CPA6: variants seen among roughly 807,000 people sequenced by gnomAD.
CPA6 encodes carboxypeptidase B.
Under a neutral mutation model 63.3 loss-of-function variants are expected in CPA6, and 58 were observed. The ratio of observed to expected loss-of-function variants is 0.92; its 90% CI spans 0.74 to 1.14. The LOEUF (loss-of-function observed/expected upper bound fraction) is 1.14. Ranked by LOEUF, CPA6 falls within the 50% of genes most tolerant of loss-of-function variation. CPA6 has a pLI of 0.00. For missense variants in CPA6, 565 were observed against 526.6 expected, an observed-to-expected ratio of 1.07 and a Z score of -0.71; for synonymous variants, 185 against 179.0, an observed-to-expected ratio of 1.03 and a Z score of -0.27.
At chr8:67,524,483 C>T (rs1812321433) in intron 2 of CPA6, among the ~76,000 whole-genome samples, 1 of 152,166 alleles carries the variant, frequency 6.6e-6, no homozygotes, top group Non-Finnish European at 1.5e-5. Context: ...CTAGGCATTC[C>T]TTGGCATGTG....
At chr8:67,616,159 C>A (rs908753088) in intron 2 of CPA6, among the ~76,000 whole-genome samples, 6 of 152,214 alleles carry the variant, frequency 3.9e-5, no homozygotes, top group Non-Finnish European at 8.8e-5. Flanking sequence ...ACCTGAGCAA[C>A]TGAGTCAGAA....
intron 1 of CPA6, among the ~76,000 whole-genome samples, chr8:67,718,318 T>C (rs1415441554): frequency 6.6e-6 from 1 of 152,058 alleles, no homozygotes; most frequent in Non-Finnish European, 1.5e-5. Context: ...CCAATTTGGG[T>C]TAAGAAAATT....
chr8:67,474,642 G>A (rs1399694540), intron 8 of CPA6, among the ~76,000 whole-genome samples: 1 of 152,112 alleles, frequency 6.6e-6, no homozygotes, highest in East Asian at 1.9e-4. Flanking sequence ...AAACTGAAAG[G>A]AGAACACCTA....
intron 1 of CPA6, among the ~76,000 whole-genome samples, chr8:67,729,643 G>C (rs916026554): frequency 6.6e-6 from 1 of 152,210 alleles, no homozygotes; most frequent in Non-Finnish European, 1.5e-5. Context: ...TGATGTTCTG[G>C]AAAACTGTTT....
intron 6 of CPA6, among the ~76,000 whole-genome samples, chr8:67,491,801 C>G (rs1251286493): frequency 6.6e-6 from 1 of 152,144 alleles, no homozygotes; most frequent in South Asian, 2.1e-4. Flanking sequence ...AACACCAGTC[C>G]TCCCACAGAA....
At chr8:67,731,968 C>T (rs767054384) in intron 1 of CPA6, among the ~76,000 whole-genome samples, 4 of 152,102 alleles carry the variant, frequency 2.6e-5, no homozygotes, top group African/African-American at 4.8e-5. Flanking sequence ...AGGCAAGGGT[C>T]GCTTCTCTAA....
intron 1 of CPA6, among the ~76,000 whole-genome samples, chr8:67,686,468 G>T (rs575547252): frequency 1.5e-4 from 23 of 152,222 alleles, no homozygotes; most frequent in African/African-American, 4.6e-4. Context: ...TAGCCAAAAA[G>T]GAAGTAAGAA....
At chr8:67,637,772 A>C (rs1815503063) in intron 1 of CPA6, among the ~76,000 whole-genome samples, 4 of 151,528 alleles carry the variant, frequency 2.6e-5, no homozygotes, top group Admixed American at 2.6e-4. Flanking sequence ...CAGTGATCAG[A>C]GAAAAACACA....
chr8:67,702,132 T>C (rs917781536), intron 1 of CPA6, among the ~76,000 whole-genome samples: 1 of 152,174 alleles, frequency 6.6e-6, no homozygotes, highest in Non-Finnish European at 1.5e-5. Flanking sequence ...AGCTTCCCAA[T>C]AAGATCTTAG....
intron 1 of CPA6, among the ~76,000 whole-genome samples, chr8:67,656,368 C>T (rs1357271184): frequency 1.3e-5 from 2 of 152,174 alleles, no homozygotes; most frequent in East Asian, 1.9e-4. Context: ...CCATTCTACT[C>T]TCTTCAACTA....
At chr8:67,516,254 A>G (rs1036300619) in intron 3 of CPA6, among the ~76,000 whole-genome samples, 1 of 152,192 alleles carries the variant, frequency 6.6e-6, no homozygotes, top group Non-Finnish European at 1.5e-5. Flanking sequence ...AAATTTAGCC[A>G]TTGGCTGTAA....
At chr8:67,532,744 A>G (rs1812504732) in intron 2 of CPA6, among the ~76,000 whole-genome samples, 1 of 152,104 alleles carries the variant, frequency 6.6e-6, no homozygotes, top group African/African-American at 2.4e-5. Flanking sequence ...CCAAAATATA[A>G]CCTACAAAGT....
intron 8 of CPA6, among the ~76,000 whole-genome samples, chr8:67,461,552 G>C (rs28505608): frequency 6.6e-6 from 1 of 151,790 alleles, no homozygotes; most frequent in African/African-American, 2.4e-5. Context: ...TTGTCATCCC[G>C]GCCCGTTCTC....
At chr8:67,562,265 C>T (rs1206160929) in intron 2 of CPA6, among the ~76,000 whole-genome samples, 1 of 152,136 alleles carries the variant, frequency 6.6e-6, no homozygotes, top group Admixed American at 6.5e-5. Context: ...GTCTTCTTTT[C>T]TCTTGCTGTA....
At chr8:67,735,552 T>A (rs573834270) in intron 1 of CPA6, 1 of 152,340 alleles carries the variant, frequency 6.6e-6, no homozygotes, top group African/African-American at 2.4e-5. Flanking sequence ...TGACAGGATG[T>A]GTCTACATGA....
intron 1 of CPA6, among the ~76,000 whole-genome samples, chr8:67,730,625 G>A (rs1404156174): frequency 6.6e-6 from 1 of 152,140 alleles, no homozygotes; most frequent in Non-Finnish European, 1.5e-5. Context: ...CCCATCCGAA[G>A]GCTATCCAGA....
At chr8:67,571,992 A>G (rs1452024056) in intron 2 of CPA6, among the ~76,000 whole-genome samples, 1 of 152,200 alleles carries the variant, frequency 6.6e-6, no homozygotes, top group African/African-American at 2.4e-5. Context: ...ACGAAAGTGG[A>G]AACATTACAA....
chr8:67,685,059 T>C (rs772447204), intron 1 of CPA6, among the ~76,000 whole-genome samples: 40 of 152,166 alleles, frequency 2.6e-4, no homozygotes, highest in Non-Finnish European at 5.4e-4. Context: ...GTAGTCCCTA[T>C]ACCTATACTC....
At chr8:67,526,362 G>GT (rs906219935) in intron 2 of CPA6, among the ~76,000 whole-genome samples, 10 of 152,110 alleles carry the variant, frequency 6.6e-5, no homozygotes, top group East Asian at 1.9e-4. Context: ...AAATAGACAT[G>GT]TTTTTTTTCT....
Sources: gnomAD v4.1 joint callset for allele counts (sites outside exome capture counted in the v4.1 genomes callset) on GRCh38, gnomAD v4.1.1 for gene constraint, MANE v1.5 for transcripts, NCBI Gene and HGNC (gene_info 2026-07-23, HGNC 2026-07-21) for gene names.